EHMT2: variants seen among roughly 807,000 people sequenced by gnomAD.
EHMT2 encodes the protein euchromatic histone lysine methyltransferase 2, also known as histone-lysine N-methyltransferase EHMT2.
In EHMT2, 59 loss-of-function variants were observed where a neutral mutation model predicts 143.3. The observed-to-expected ratio is 0.41, with a 90% confidence interval of 0.33 to 0.51. The LOEUF (loss-of-function observed/expected upper bound fraction) is 0.51. Among genes scored for constraint, EHMT2 ranks in the 20% least tolerant of loss-of-function variants. The probability of loss-of-function intolerance (pLI) is 0.18; values close to 1 mark genes in which losing one functional copy is unlikely to be tolerated. For missense variants in EHMT2, 1,174 were observed against 1,645.9 expected, an observed-to-expected ratio of 0.71 and a Z score of 4.96; for synonymous variants, 604 against 651.5, an observed-to-expected ratio of 0.93 and a Z score of 1.11.
rs1765149638 is a variant in EHMT2 at position 31,888,145 on chromosome 6, G to A, written c.1641C>T (p.Thr547=). 1 of 1,612,478 alleles carries A rather than the reference G, an allele frequency of 6.2e-7. No homozygotes were observed. The highest frequency in any genetic ancestry group is 1.3e-5 in the African/African-American group (1 of 74,916). Residue 547 remains threonine (T), a synonymous_variant, in exon 13 of 28, where the codon ACC becomes ACT. Coordinates refer to ENST00000375537, the Ensembl canonical transcript of EHMT2. The surrounding 1 kb of genome is among the most constrained non-coding windows in gnomAD (Gnocchi z 7.4). ...GGGTCACCCCGTCACCCCGGGGGAT[G>A]GTCACCTCTTGAGCTTCAGAAGCAT...
chr6:31,883,451 A>C lies in EHMT2; in HGVS notation c.2917-12T>G, dbSNP rs1320735182. On this transcript the variant is annotated splice_polypyrimidine_tract_variant and intron_variant, in intron 22 of 27. Coordinates refer to ENST00000375537, the Ensembl canonical transcript of EHMT2. This position sits in a 1 kb window ranked among gnomAD's most constrained non-coding sequence, Gnocchi z 5.6. ...ACACACGTGCAGTGCTGGGGCGAGG[A>C]GGCAGAGGTCAGCTCAACCCCATGA... 6 of 1,610,654 alleles carry C rather than the reference A, an allele frequency of 3.7e-6. No homozygotes were observed. Among genetic ancestry groups the C allele is most frequent in the Non-Finnish European group, 5.1e-6 (6 of 1,178,990 alleles).
chr6:31,885,217 C>T (rs1764673303), intron 18 of EHMT2: 5 of 606,042 alleles, frequency 8.3e-6, no homozygotes, highest in Non-Finnish European at 1.3e-5. Flanking sequence ...GTGGCTCATG[C>T]CTGTAATCCC....
Position 31,896,351 on chromosome 6 carries a change from G to T in EHMT2, c.494C>A (p.Ser165Tyr), listed in dbSNP as rs1443364757. ...GCTCGTGGTGGCTGGAGGGGGTTCAGACCCTGCTGCTGCAGCTCCCTGGGC... is the reference window on the plus strand; with the variant it reads ...GCTCGTGGTGGCTGGAGGGGGTTCATACCCTGCTGCTGCAGCTCCCTGGGC... The change falls in exon 4 of 28, where the codon TCT (serine) becomes TAT (tyrosine). Residue 165 changes from serine (S) to tyrosine (Y), a missense_variant. Ser to Tyr is a moderately radical substitution (Grantham distance 144). Coordinates refer to ENST00000375537, the Ensembl canonical transcript of EHMT2. 8 of 1,612,994 alleles carry T rather than the reference G, an allele frequency of 5.0e-6. No homozygotes were observed. The highest frequency in any genetic ancestry group is 6.8e-6 in the Non-Finnish European group (8 of 1,180,036).
chr6:31,880,958 A>G lies in EHMT2; in HGVS notation c.3276+56T>C. 2 of 1,608,886 alleles carry G rather than the reference A, an allele frequency of 1.2e-6. No individual in the cohort carries two copies. Among genetic ancestry groups the G allele is most frequent in the Non-Finnish European group, 1.7e-6 (2 of 1,176,458 alleles). The stretch of plus-strand genomic sequence containing the variant: ...AGGTTTCCATTTGCTGACTTCCCAG[A>G]GGCTCCTGAAAGCCAGCCCTGGGGA... On this transcript the variant is annotated intron_variant, in intron 26 of 27. Transcript: ENST00000375537. The surrounding 1 kb of genome is among the most constrained non-coding windows in gnomAD (Gnocchi z 6.6).
intron 4 of EHMT2, chr6:31,896,052 C>T: frequency 1.8e-6 from 1 of 568,834 alleles, no homozygotes. Context: ...GACTCTTTAA[C>T]ATCAAACTTT....
exon 14 of EHMT2, chr6:31,887,937 T>A (rs1765103455): frequency 9.4e-6 from 15 of 1,598,404 alleles, no homozygotes; most frequent in Non-Finnish European, 1.1e-5. Context: ...GGCGCCGGGG[T>A]TCCCCATGCC....
Position 31,889,039 on chromosome 6 carries a change from A to G in EHMT2, c.1146T>C (p.Ser382=). ...ACCCCAGAGGGACCTCCATGTACTC[A>G]CTGGGGCCTGAGGAGCCCACACCAT... Residue 382 remains serine, a synonymous_variant, in exon 10 of 28, where the codon AGT becomes AGC. Coordinates refer to ENST00000375537, the Ensembl canonical transcript of EHMT2. The surrounding 1 kb of genome is among the most constrained non-coding windows in gnomAD (Gnocchi z 5.1). The G allele has an allele frequency of 6.2e-7, 1 of 1,604,528 alleles. No individual in the cohort carries two copies. The highest frequency in any genetic ancestry group is 8.5e-7 in the Non-Finnish European group (1 of 1,176,902).
Position 31,883,432 on chromosome 6 carries a change from G to A in EHMT2, c.2924C>T (p.Thr975Met), listed in dbSNP as rs768906796. 15 of 1,612,432 alleles carry A rather than the reference G, an allele frequency of 9.3e-6. No individual in the cohort carries two copies. The South Asian group carries it at 1.1e-4, about 12-fold the overall frequency. ...GGAGCTAGAGCAGTCGTCCACACACGTGCAGTGCTGGGGCGAGGAGGCAGA... is the reference window on the plus strand; with the variant it reads ...GGAGCTAGAGCAGTCGTCCACACACATGCAGTGCTGGGGCGAGGAGGCAGA... Residue 975 changes from threonine (T) to methionine (M), a missense_variant, in exon 23 of 28, where the codon ACG becomes ATG. Coordinates refer to ENST00000375537, the Ensembl canonical transcript of EHMT2. The surrounding 1 kb of genome is among the most constrained non-coding windows in gnomAD (Gnocchi z 5.6).
chr6:31,890,543 G>A (rs1765548859), intron 7 of EHMT2, among the ~76,000 whole-genome samples: 1 of 145,690 alleles, frequency 6.9e-6, no homozygotes, highest in Non-Finnish European at 1.5e-5. Context: ...GAGCCACCAC[G>A]CCTGGGCCAA....
chr6:31,889,184 G>A lies in EHMT2; in HGVS notation c.1114+44C>T, dbSNP rs558942487. 4.1e-5 allele frequency: 64 copies of A among 1,565,492 alleles called. No homozygotes were observed. In the East Asian group the frequency reaches 1.1e-3, roughly 27 times the overall value. ...GTGCGTGCACACACTCTGGGGGGCC[G>A]GGCGGGGGCTGGAGGGCACCCAAAA... On this transcript the variant is annotated intron_variant, in intron 9 of 27. Transcript: ENST00000375537. This position sits in a 1 kb window ranked among gnomAD's most constrained non-coding sequence, Gnocchi z 5.1.
At position 31,888,142 on chromosome 6, in the gene EHMT2, G is replaced by T. The variant is rs773116003; in HGVS notation, c.1644C>A (p.Ile548=). The T allele has an allele frequency of 6.2e-7, 1 of 1,612,450 alleles. No homozygotes were observed. Among genetic ancestry groups the T allele is most frequent in the Non-Finnish European group, 8.5e-7 (1 of 1,179,856 alleles). The change falls in exon 13 of 28, where the codon ATC becomes ATA. Residue 548 remains isoleucine, a synonymous_variant. Transcript: ENST00000375537. This position sits in a 1 kb window ranked among gnomAD's most constrained non-coding sequence, Gnocchi z 7.4. ...GTGGGGTCACCCCGTCACCCCGGGG[G>T]ATGGTCACCTCTTGAGCTTCAGAAG...
rs1275692048 is a variant in EHMT2, at chr6:31,888,581, A to G, written c.1365+18T>C. Reference sequence around the variant, plus strand: ...GACTGGACGCCCTGGCACCTCTCCCACCAGCCCACGGCCCCACCTCTCCGT... The same window carrying G: ...GACTGGACGCCCTGGCACCTCTCCCGCCAGCCCACGGCCCCACCTCTCCGT... On this transcript the variant is annotated intron_variant, in intron 11 of 27. Transcript: ENST00000375537. This position sits in a 1 kb window ranked among gnomAD's most constrained non-coding sequence, Gnocchi z 7.4. The G allele has an allele frequency of 6.2e-7, 1 of 1,610,778 alleles. No homozygotes were observed. The highest frequency in any genetic ancestry group is 1.1e-5 in the South Asian group (1 of 90,954).
At chr6:31,882,545 G>A (rs1012798605) in intron 25 of EHMT2, 154 bp downstream of exon 25, 6 of 755,560 alleles carry the variant, frequency 7.9e-6, no homozygotes, top group Non-Finnish European at 1.3e-5. Flanking sequence ...TGGCTGCTCA[G>A]CTGCAGGAAT....
Position 31,883,354 on chromosome 6 carries a change from G to A in EHMT2, c.2994+8C>T. 6.2e-7 allele frequency: 1 copy of A among 1,612,724 alleles called. No homozygotes were observed. Among genetic ancestry groups the A allele is most frequent in the Non-Finnish European group, 8.5e-7 (1 of 1,179,832 alleles). On this transcript the variant is annotated splice_region_variant and intron_variant, in intron 23 of 27. Transcript: ENST00000375537. The surrounding 1 kb of genome is among the most constrained non-coding windows in gnomAD (Gnocchi z 5.6). ...CGGGTGTCTGTGGCCAAGGCAAGGGGCACGCACCTTGTCATACCAGCACCG... is the reference window on the plus strand; with the variant it reads ...CGGGTGTCTGTGGCCAAGGCAAGGGACACGCACCTTGTCATACCAGCACCG...
chr6:31,886,505 G>T, intron 18 of EHMT2, 76 bp downstream of exon 18: 2 of 1,350,560 alleles, frequency 1.5e-6, no homozygotes, highest in Non-Finnish European at 2.1e-6. Context: ...TAGGAAAGGC[G>T]GCCCAAAGCC....
rs780424236 is a variant in EHMT2, at chr6:31,889,311, T to C, written c.1031A>G (p.Lys344Arg). 6.2e-7 allele frequency: 1 copy of C among 1,612,352 alleles called. No homozygotes were observed. Among genetic ancestry groups the C allele is most frequent in the Non-Finnish European group, 8.5e-7 (1 of 1,179,998 alleles). ...CCATGGGCTGTCTTTTCGCCATTTCTTCTTGGCCTTGCGCCGGCCACTGGA... is the reference window on the plus strand; with the variant it reads ...CCATGGGCTGTCTTTTCGCCATTTCCTCTTGGCCTTGCGCCGGCCACTGGA... The change falls in exon 9 of 28, where the codon AAG becomes AGG. Residue 344 changes from lysine (K) to arginine (R), a missense_variant. Lys to Arg is a conservative substitution (Grantham distance 26). Around this residue, in one of 6 missense-constraint regions of EHMT2, gnomAD observed 608 missense variants for 903.7 expected, o/e 0.67. Transcript: ENST00000375537. The surrounding 1 kb of genome is among the most constrained non-coding windows in gnomAD (Gnocchi z 5.1).
At chr6:31,882,615 A>G in intron 25 of EHMT2, 84 bp downstream of exon 25, 1 of 1,320,732 alleles carries the variant, frequency 7.6e-7, no homozygotes, top group Non-Finnish European at 1.1e-6. Context: ...TCATCAGGGC[A>G]GATGGCTGAG....
rs982318535 is a variant in EHMT2, at chr6:31,884,112, A to G, written c.2772-162T>C. The G allele has an allele frequency of 1.2e-6, 1 of 836,856 alleles. No individual in the cohort carries two copies. The highest frequency in any genetic ancestry group is 1.8e-6 in the Non-Finnish European group (1 of 557,560). The allele number at this position is 836,856 out of a possible 1,614,324, so 51.8% of individuals were successfully genotyped here. A position where few individuals can be genotyped will look rare whatever the true frequency, so the allele number is the denominator to read the frequency against. ...CGAGTTAACATAGAATTTTAGATAA[A>G]CAAGAAATAGCTTTTTAGTATGTCC... On this transcript the variant is annotated intron_variant, in intron 21 of 27. Coordinates refer to ENST00000375537, the Ensembl canonical transcript of EHMT2. The surrounding 1 kb of genome is among the most constrained non-coding windows in gnomAD (Gnocchi z 7.3).
rs1358406940 is a variant in EHMT2 at position 31,883,078 on chromosome 6, A to C, written c.2995-69T>G. 1 of 1,398,058 alleles carries C rather than the reference A, an allele frequency of 7.2e-7. No individual in the cohort carries two copies. Among genetic ancestry groups the C allele is most frequent in the East Asian group, 2.3e-5 (1 of 42,636 alleles). 86.6% of individuals were successfully genotyped at this position (1,398,058 alleles called of 1,614,324 possible). ...CCTCAGCTGCCCACCCAGGAACCCCAAGACTCTACAGAGACAGGGAAGTTG... is the reference window on the plus strand; with the variant it reads ...CCTCAGCTGCCCACCCAGGAACCCCCAGACTCTACAGAGACAGGGAAGTTG... On this transcript the variant is annotated intron_variant, in intron 23 of 27. Coordinates refer to ENST00000375537, the Ensembl canonical transcript of EHMT2. The surrounding 1 kb of genome is among the most constrained non-coding windows in gnomAD (Gnocchi z 5.6).
Sources: allele counts gnomAD v4.1 joint callset (sites outside exome capture counted in the v4.1 genomes callset), GRCh38; gene constraint gnomAD v4.1.1; regional missense constraint gnomAD v4.1.1; non-coding constraint Gnocchi (gnomAD v3.1); transcripts MANE v1.5; gene names NCBI Gene and HGNC (gene_info 2026-07-23, HGNC 2026-07-21).